DOCK7: variants seen among roughly 807,000 people sequenced by gnomAD.
DOCK7 encodes the protein dedicator of cytokinesis 7, also known as dedicator of cytokinesis protein 7.
A neutral mutation model predicts 271.0 loss-of-function variants in DOCK7; 138 were observed. The ratio of observed to expected loss-of-function variants is 0.51; its 90% CI spans 0.44 to 0.59. The LOEUF (loss-of-function observed/expected upper bound fraction) is 0.59. Ranked by LOEUF, DOCK7 falls within the 20% of genes least tolerant of loss-of-function variation. DOCK7 has a pLI of 0.00. For missense variants in DOCK7, 2,066 were observed against 2,592.4 expected (o/e 0.80, Z 4.41); for synonymous variants, 823 against 876.1 (o/e 0.94, Z 1.07).
At chr1:62,494,669 G>T (rs796302418) in intron 39 of DOCK7, 2 of 371,682 alleles carry the variant, frequency 5.4e-6, no homozygotes, top group African/African-American at 2.1e-5. Flanking sequence ...GTTGGTGGGG[G>T]GGGCAGGAGG....
intron 22 of DOCK7, among the ~76,000 whole-genome samples, chr1:62,550,348 A>G (rs1198206868): frequency 6.6e-6 from 1 of 152,184 alleles, no homozygotes; most frequent in African/African-American, 2.4e-5. Flanking sequence ...GGTAATAGGT[A>G]GCTAGATAGC....
intron 14 of DOCK7, chr1:62,602,261 CATG>C (rs765526735): frequency 2.3e-5 from 35 of 1,551,692 alleles, no homozygotes; most frequent in Non-Finnish European, 3.0e-5. Context: ...ACTAAAAATA[CATG>C]ATTTCATTCA....
At chr1:62,531,282 C>G (rs1268933877) in intron 29 of DOCK7, among the ~76,000 whole-genome samples, 2 of 152,204 alleles carry the variant, frequency 1.3e-5, no homozygotes, top group Non-Finnish European at 2.9e-5. Flanking sequence ...TATATAAACT[C>G]TATCCACTTG....
chr1:62,564,111 C>T, intron 18 of DOCK7, among the ~76,000 whole-genome samples: 1 of 152,040 alleles, frequency 6.6e-6, no homozygotes, highest in East Asian at 1.9e-4. Context: ...GACTCCCACA[C>T]AATAACGGTG....
rs1652298171 is a variant in DOCK7 at position 62,615,250 on chromosome 1, A to G, written c.1682+3456T>C. ...AAAAAGTCAACCAAGTATAGTAATC[A>G]CAATTCTACTTCTGAATTTTCATGT... is the stretch of plus-strand genomic sequence containing the variant. On this transcript the variant is annotated intron_variant, in intron 14 of 49. Transcript: ENST00000635253. Among the ~76,000 whole-genome samples, 3 of 152,006 alleles carry G rather than the reference A, an allele frequency of 2.0e-5. No individual in the cohort carries two copies. The South Asian group carries it at 6.2e-4, about 31-fold the overall frequency.
intron 14 of DOCK7, chr1:62,604,821 G>C (rs766013795): frequency 6.2e-7 from 1 of 1,612,206 alleles, no homozygotes; most frequent in Admixed American, 1.7e-5. Flanking sequence ...TGAATGAACT[G>C]AGGCAAATTT....
chr1:62,663,254 A>G, intron 1 of DOCK7, 124 bp from the exon 2 acceptor site: 1 of 733,814 alleles, frequency 1.4e-6, no homozygotes, highest in South Asian at 1.8e-5. Context: ...TCAGCATAAC[A>G]ATAAGGCTAG....
intron 8 of DOCK7, 98 bp downstream of exon 8, chr1:62,636,439 G>A (rs1655281923): frequency 1.1e-6 from 1 of 878,096 alleles, no homozygotes; most frequent in Non-Finnish European, 1.8e-6. Flanking sequence ...AAAGATCTAT[G>A]TTTAACAGTT....
chr1:62,506,348 T>C (rs749641797), intron 35 of DOCK7, among the ~76,000 whole-genome samples: 3 of 152,234 alleles, frequency 2.0e-5, no homozygotes, highest in Non-Finnish European at 4.4e-5. Context: ...GCTGTTTCTT[T>C]TCACTGAATG....
In DOCK7 at chr1:62,528,143, G is replaced by T. The variant is rs754463129; in HGVS notation, c.3936+8C>A. The T allele has an allele frequency of 6.2e-6, 10 of 1,604,778 alleles. No homozygotes were observed. Among genetic ancestry groups the T allele is most frequent in the Non-Finnish European group, 8.5e-6 (10 of 1,175,946 alleles). On this transcript the variant is annotated splice_region_variant and intron_variant, in intron 31 of 49. Transcript: ENST00000635253. ...GAAAAAAAAATTCTGTAGGAGGATT[G>T]TTTTTACCGTTGACGTGAGGAGGAA...
intron 16 of DOCK7, among the ~76,000 whole-genome samples, chr1:62,581,438 G>T (rs1439398599): frequency 6.6e-6 from 1 of 152,082 alleles, no homozygotes; most frequent in Non-Finnish European, 1.5e-5. Flanking sequence ...TGGAGAGTAA[G>T]AAAGACATAG....
At chr1:62,560,240 A>C (rs1245655771) in intron 19 of DOCK7, among the ~76,000 whole-genome samples, 2 of 152,134 alleles carry the variant, frequency 1.3e-5, no homozygotes, top group African/African-American at 4.8e-5. Flanking sequence ...AAGTCCCTCC[A>C]CACCACCCTT....
chr1:62,515,613 T>C lies in DOCK7; in HGVS notation c.3937-1715A>G, dbSNP rs183438059. Among the ~76,000 whole-genome samples, 753 of 152,276 alleles carry C rather than the reference T, an allele frequency of 4.9e-3. 3 individuals are homozygous for C. The highest frequency in any genetic ancestry group is 8.8e-3 in the Admixed American group (135 of 15,292). ...TCTCTGGGAAGAATTAAGACAAACA[T>C]GAAAAAGACTCAGTAATGTAAAGAT... On this transcript the variant is annotated intron_variant, in intron 31 of 49. Coordinates refer to ENST00000635253, the MANE Select transcript of DOCK7 (RefSeq NM_001367561.1).
chr1:62,465,975 G>A (rs1645665468), intron 48 of DOCK7, among the ~76,000 whole-genome samples: 1 of 152,206 alleles, frequency 6.6e-6, no homozygotes, highest in Non-Finnish European at 1.5e-5. Context: ...ACAAGGCAAA[G>A]GGAAGGTAAA....
intron 37 of DOCK7, among the ~76,000 whole-genome samples, chr1:62,500,174 G>C (rs529015043): frequency 2.0e-4 from 30 of 152,164 alleles, no homozygotes; most frequent in African/African-American, 6.7e-4. Context: ...ATAGACAAAT[G>C]ATGTCATAAA....
chr1:62,466,288 A>G (rs1205767017), intron 48 of DOCK7, among the ~76,000 whole-genome samples: 1 of 152,180 alleles, frequency 6.6e-6, no homozygotes, highest in Non-Finnish European at 1.5e-5. Flanking sequence ...ATTTGTTACT[A>G]AAAAAGAGAA....
intron 1 of DOCK7, among the ~76,000 whole-genome samples, chr1:62,670,103 G>C (rs1249204607): frequency 6.6e-6 from 1 of 151,640 alleles, no homozygotes; most frequent in African/African-American, 2.4e-5. Flanking sequence ...TCGATTTCTC[G>C]CCGGGCCTTG....
intron 31 of DOCK7, chr1:62,516,764 C>T (rs1471616353): frequency 6.6e-6 from 1 of 152,298 alleles, no homozygotes; most frequent in Non-Finnish European, 1.5e-5. Flanking sequence ...GGACTCTGAT[C>T]ACCACACACA....
intron 37 of DOCK7, among the ~76,000 whole-genome samples, chr1:62,504,100 A>G (rs2149319651): frequency 6.6e-6 from 1 of 152,248 alleles, no homozygotes; most frequent in African/African-American, 2.4e-5. Context: ...AAGAAAACAC[A>G]AACTGAAATG....
Sources: gnomAD v4.1 joint callset for allele counts (sites outside exome capture counted in the v4.1 genomes callset) on GRCh38, gnomAD v4.1.1 for gene constraint, MANE v1.5 for transcripts, NCBI Gene and HGNC (gene_info 2026-07-23, HGNC 2026-07-21) for gene names.